Variants in RSRC1 observed in about 807,000 individuals in gnomAD.
The protein encoded by RSRC1 is serine/Arginine-related protein 53.
Under a neutral mutation model 49.1 loss-of-function variants are expected in RSRC1, and 39 were observed. The ratio of observed to expected loss-of-function variants is 0.79; its 90% CI spans 0.61 to 1.04. The LOEUF (loss-of-function observed/expected upper bound fraction) is 1.04. Among genes scored for constraint, RSRC1 ranks in the 50% least tolerant of loss-of-function variants. The probability of loss-of-function intolerance (pLI) is 0.00; values close to 1 mark genes in which losing one functional copy is unlikely to be tolerated. For missense variants in RSRC1, 388 were observed against 402.4 expected (o/e 0.96, Z 0.31); for synonymous variants, 143 against 130.8 (o/e 1.09, Z -0.63).
At chr3:158,462,814 A>C (rs1737685169) in intron 7 of RSRC1, among the ~76,000 whole-genome samples, 1 of 152,010 alleles carries the variant, frequency 6.6e-6, no homozygotes, top group Non-Finnish European at 1.5e-5. Context: ...TCACTAAATC[A>C]CACTGACCTT....
intron 3 of RSRC1, among the ~76,000 whole-genome samples, chr3:158,180,402 T>TC (rs1318300989): frequency 1.0e-5 from 1 of 96,342 alleles, no homozygotes; most frequent in African/African-American, 4.2e-5. Context: ...TCTTTTTTTT[T>TC]TTTTTTTTTT....
At chr3:158,482,390 T>G (rs1738644805) in intron 7 of RSRC1, among the ~76,000 whole-genome samples, 1 of 152,092 alleles carries the variant, frequency 6.6e-6, no homozygotes. Context: ...CCAGCAAATA[T>G]TCTTCAACTT....
chr3:158,295,789 T>C (rs373777894), intron 4 of RSRC1, among the ~76,000 whole-genome samples: 6 of 152,222 alleles, frequency 3.9e-5, no homozygotes, highest in Admixed American at 1.3e-4. Flanking sequence ...GCCTACATTG[T>C]CTTTTTGTTT....
intron 3 of RSRC1, among the ~76,000 whole-genome samples, chr3:158,152,019 T>A (rs1717570115): frequency 6.6e-6 from 1 of 152,134 alleles, no homozygotes; most frequent in Non-Finnish European, 1.5e-5. Flanking sequence ...CTCTGTCTAG[T>A]GTATTTGTAT....
chr3:158,461,035 A>G, intron 7 of RSRC1, 32 bp downstream of exon 7: 1 of 1,510,582 alleles, frequency 6.6e-7, no homozygotes, highest in South Asian at 1.2e-5. Context: ...TCTCTGAGAA[A>G]TCACTATTTG....
At chr3:158,206,861 C>A (rs1279266807) in intron 4 of RSRC1, among the ~76,000 whole-genome samples, 5 of 152,120 alleles carry the variant, frequency 3.3e-5, no homozygotes, top group African/African-American at 1.2e-4. Flanking sequence ...TTGCAGTGAG[C>A]TGAGATCGTG....
chr3:158,130,323 A>T (rs1464698325), intron 3 of RSRC1, among the ~76,000 whole-genome samples: 1 of 152,204 alleles, frequency 6.6e-6, no homozygotes, highest in African/African-American at 2.4e-5. Flanking sequence ...TTTTGAGGAC[A>T]CAAACATTCA....
intron 7 of RSRC1, among the ~76,000 whole-genome samples, chr3:158,531,730 A>T (rs1352098653): frequency 6.6e-6 from 1 of 151,982 alleles, no homozygotes; most frequent in Non-Finnish European, 1.5e-5. Flanking sequence ...TTGGAGTTGG[A>T]TAGATTTATA....
intron 6 of RSRC1, among the ~76,000 whole-genome samples, chr3:158,368,318 G>A (rs2108263266): frequency 6.6e-6 from 1 of 152,288 alleles, no homozygotes; most frequent in South Asian, 2.1e-4. Flanking sequence ...TTCAGCTTTT[G>A]TTATTGGGCT....
intron 3 of RSRC1, among the ~76,000 whole-genome samples, chr3:158,160,698 G>A (rs1286827487): frequency 6.6e-6 from 1 of 152,164 alleles, no homozygotes; most frequent in African/African-American, 2.4e-5. Flanking sequence ...TTATTTGCAT[G>A]TAGTAAACAT....
At chr3:158,168,113 A>T (rs747295082) in intron 3 of RSRC1, among the ~76,000 whole-genome samples, 3 of 152,144 alleles carry the variant, frequency 2.0e-5, no homozygotes, top group Non-Finnish European at 2.9e-5. Context: ...TAATTTGTTT[A>T]TTGTCTGTGG....
intron 3 of RSRC1, 103 bp downstream of exon 3, chr3:158,124,094 G>A (rs898301659): frequency 1.5e-5 from 13 of 842,738 alleles, no homozygotes; most frequent in African/African-American, 1.0e-4. Flanking sequence ...AATTTTGATT[G>A]AGCTTAGCTG....
chr3:158,543,015 TATC>T (rs1273714733), intron 8 of RSRC1, among the ~76,000 whole-genome samples: 1 of 152,144 alleles, frequency 6.6e-6, no homozygotes, highest in African/African-American at 2.4e-5. Context: ...AAAATGTGCT[TATC>T]ATAAGAAATG....
chr3:158,118,422 TGTGTG>T (rs1715001032), intron 1 of RSRC1, among the ~76,000 whole-genome samples: 4 of 101,434 alleles, frequency 3.9e-5, no homozygotes, highest in South Asian at 5.6e-4. Context: ...TCTGTGTGTG[TGTGTG>T]TGTGTGTGTG....
At chr3:158,348,490 G>C (rs1221274205) in intron 5 of RSRC1, among the ~76,000 whole-genome samples, 1 of 152,096 alleles carries the variant, frequency 6.6e-6, no homozygotes, top group East Asian at 1.9e-4. Context: ...AAAAACTCTA[G>C]ACATTGAGAA....
chr3:158,155,376 C>T (rs958670131), intron 3 of RSRC1, among the ~76,000 whole-genome samples: 9 of 152,096 alleles, frequency 5.9e-5, no homozygotes, highest in African/African-American at 1.9e-4. Context: ...TATTAATCTC[C>T]TTGTACATCT....
rs142175790 is a variant in RSRC1, at chr3:158,449,737, A to G, written c.584-11198A>G. Among the ~76,000 whole-genome samples the G allele has an allele frequency of 1.7e-4, 26 of 152,088 alleles. No individual in the cohort carries two copies. The East Asian group carries it at 2.7e-3, about 16-fold the overall frequency. On this transcript the variant is annotated intron_variant, in intron 6 of 9. Transcript: ENST00000611884. ...CTACAGACATTTACATTTTTCTGAGACTTGACTGCACTGAATATGATTTGT... is the reference window on the plus strand; with the variant it reads ...CTACAGACATTTACATTTTTCTGAGGCTTGACTGCACTGAATATGATTTGT...
At chr3:158,403,972 A>T (rs1320019563) in intron 6 of RSRC1, among the ~76,000 whole-genome samples, 1 of 151,916 alleles carries the variant, frequency 6.6e-6, no homozygotes, top group Non-Finnish European at 1.5e-5. Context: ...ATGTCAACCA[A>T]GATAAATAAT....
intron 4 of RSRC1, among the ~76,000 whole-genome samples, chr3:158,230,200 T>G: frequency 6.6e-6 from 1 of 152,114 alleles, no homozygotes; most frequent in East Asian, 1.9e-4. Context: ...TTCTTCATGA[T>G]TGGAATCAGG....
Sources: allele counts gnomAD v4.1 joint callset (sites outside exome capture counted in the v4.1 genomes callset), GRCh38; gene constraint gnomAD v4.1.1; transcripts MANE v1.5; gene names NCBI Gene and HGNC (gene_info 2026-07-23, HGNC 2026-07-21).